MECOM: variants seen among roughly 807,000 people sequenced by gnomAD.
MECOM encodes the protein histone-lysine N-methyltransferase MECOM.
MECOM carries 13 observed loss-of-function variants against 116.3 expected under a neutral mutation model. The observed-to-expected ratio is 0.11, with a 90% CI of 0.07 to 0.18. The LOEUF (loss-of-function observed/expected upper bound fraction) is 0.18. MECOM is among the 10% of genes least tolerant of loss of function. MECOM has a pLI of 1.00. For missense variants in MECOM, 1,299 were observed against 1,509.0 expected, an observed-to-expected ratio of 0.86 and a Z score of 2.31; for synonymous variants, 528 against 535.2, an observed-to-expected ratio of 0.99 and a Z score of 0.19.
At chr3:169,241,811 G>C (rs533518252) in intron 2 of MECOM, among the ~76,000 whole-genome samples, 2 of 152,268 alleles carry the variant, frequency 1.3e-5, no homozygotes, top group Non-Finnish European at 2.9e-5. Flanking sequence ...CTACTTCAGC[G>C]AATCAAGTCA....
chr3:169,521,521 A>T (rs116241374), intron 1 of MECOM, among the ~76,000 whole-genome samples: 2,996 of 152,252 alleles, frequency 0.02, 33 homozygotes, highest in Middle Eastern at 0.037. Context: ...TTAACCCAAA[A>T]TGTTCTCATC....
At chr3:169,185,925 G>A (rs1746645669) in intron 2 of MECOM, among the ~76,000 whole-genome samples, 1 of 151,952 alleles carries the variant, frequency 6.6e-6, no homozygotes, top group Non-Finnish European at 1.5e-5. Context: ...TTTGTCTTTG[G>A]GCTGATGACT....
intron 1 of MECOM, among the ~76,000 whole-genome samples, chr3:169,450,370 A>T (rs1012541124): frequency 3.9e-5 from 6 of 152,166 alleles, no homozygotes; most frequent in Non-Finnish European, 7.3e-5. Flanking sequence ...GGTGCTAATT[A>T]AAAAAGCTTC....
chr3:169,235,302 A>T (rs1285444452), intron 2 of MECOM, among the ~76,000 whole-genome samples: 1 of 152,092 alleles, frequency 6.6e-6, no homozygotes, highest in Admixed American at 6.6e-5. Context: ...CTAACCTATC[A>T]TTCATTTTTT....
intron 9 of MECOM, among the ~76,000 whole-genome samples, chr3:169,110,809 T>A (rs1445641939): frequency 6.6e-6 from 1 of 152,100 alleles, no homozygotes; most frequent in Non-Finnish European, 1.5e-5. Context: ...CAATAGGGAA[T>A]CCCTTACACC....
chr3:169,191,759 AAAGAAAG>A (rs1460181371), intron 2 of MECOM, among the ~76,000 whole-genome samples: 1 of 138,240 alleles, frequency 7.2e-6, no homozygotes, highest in African/African-American at 3.0e-5. Context: ...AGAAAGAAAG[AAAGAAAG>A]AAAGAAAGAA....
intron 1 of MECOM, among the ~76,000 whole-genome samples, chr3:169,579,668 G>A (rs1321027628): frequency 1.3e-5 from 2 of 152,180 alleles, no homozygotes; most frequent in South Asian, 2.1e-4. Flanking sequence ...AGGGAAGAAA[G>A]CACAAAGTAG....
intron 1 of MECOM, among the ~76,000 whole-genome samples, chr3:169,582,843 A>G (rs542345096): frequency 1.3e-5 from 2 of 152,328 alleles, no homozygotes; most frequent in African/African-American, 2.4e-5. Flanking sequence ...TTCATGATTT[A>G]AACACTTAGG....
chr3:169,322,837 A>C (rs1721100673), intron 2 of MECOM, among the ~76,000 whole-genome samples: 1 of 151,826 alleles, frequency 6.6e-6, no homozygotes, highest in South Asian at 2.1e-4. Flanking sequence ...ATCTCTAATA[A>C]AAATACAAAA....
chr3:169,141,211 G>T (rs542207591), intron 3 of MECOM, among the ~76,000 whole-genome samples: 1 of 151,816 alleles, frequency 6.6e-6, no homozygotes, highest in Non-Finnish European at 1.5e-5. Flanking sequence ...CTCAAATTCC[G>T]TTTTTTTAGA....
At chr3:169,493,667 C>T (rs1753419763) in intron 1 of MECOM, among the ~76,000 whole-genome samples, 1 of 152,060 alleles carries the variant, frequency 6.6e-6, no homozygotes, top group African/African-American at 2.4e-5. Context: ...TAATCTGTAG[C>T]AACGTCTGAC....
chr3:169,308,910 T>C (rs1239140725), intron 2 of MECOM, among the ~76,000 whole-genome samples: 1 of 152,110 alleles, frequency 6.6e-6, no homozygotes, highest in Non-Finnish European at 1.5e-5. Flanking sequence ...CTTTCAGATA[T>C]CAAAAGGAAG....
At chr3:169,298,034 C>T (rs1715971403) in intron 2 of MECOM, among the ~76,000 whole-genome samples, 1 of 152,096 alleles carries the variant, frequency 6.6e-6, no homozygotes, top group Admixed American at 6.5e-5. Flanking sequence ...ATACATCATC[C>T]ACGGCAATAT....
chr3:169,266,447 T>C (rs1758315652), intron 2 of MECOM, among the ~76,000 whole-genome samples: 1 of 152,222 alleles, frequency 6.6e-6, no homozygotes, highest in Admixed American at 6.5e-5. Flanking sequence ...ACTATTTACT[T>C]CTAAATCGTT....
Position 169,092,064 on chromosome 3 carries a change from T to A in MECOM, c.3164+894A>T, listed in dbSNP as rs141140536. ...TAGCTTACAGATAAGAAAAATTAAA[T>A]CCAGTAGTTTTGGTGAAATAGTGTT... On this transcript the variant is annotated intron_variant, in intron 14 of 16. Coordinates refer to ENST00000651503, the MANE Select transcript of MECOM (RefSeq NM_004991.4). 2.0e-4 allele frequency among the ~76,000 whole-genome samples: 30 copies of A among 152,202 alleles called. 2 individuals are homozygous for A. The East Asian group carries it at 5.8e-3, about 29-fold the overall frequency.
chr3:169,594,339 C>G (rs540834753), intron 1 of MECOM, among the ~76,000 whole-genome samples: 319 of 152,118 alleles, frequency 2.1e-3, no homozygotes, highest in Non-Finnish European at 3.9e-3. Flanking sequence ...CTGTGGCATT[C>G]TTCTAATTTT....
chr3:169,088,423 C>T (rs1718568045), intron 16 of MECOM, among the ~76,000 whole-genome samples: 1 of 152,160 alleles, frequency 6.6e-6, no homozygotes, highest in Non-Finnish European at 1.5e-5. Flanking sequence ...TTCATTCACT[C>T]ATTCATTTGT....
At chr3:169,347,970 T>C (rs1453866742) in intron 2 of MECOM, among the ~76,000 whole-genome samples, 1 of 151,984 alleles carries the variant, frequency 6.6e-6, no homozygotes, top group African/African-American at 2.4e-5. Context: ...TGGAAAAATA[T>C]GGGCAGAACA....
chr3:169,149,935 C>CTGTGTGTGTGTGTGTGTGTGTGTGTGTG (rs58944452), intron 2 of MECOM, among the ~76,000 whole-genome samples: 1 of 131,240 alleles, frequency 7.6e-6, no homozygotes, highest in Admixed American at 7.6e-5. Context: ...TTCTCTCTCT[C>CTGTGTGTGTGTGTGTGTGTGTGTGTGTG]TGTGTGTGTG....
Sources: gnomAD v4.1 joint callset for allele counts (sites outside exome capture counted in the v4.1 genomes callset) on GRCh38, gnomAD v4.1.1 for gene constraint, MANE v1.5 for transcripts, NCBI Gene and HGNC (gene_info 2026-07-23, HGNC 2026-07-21) for gene names.